The following ESR1 variants were observed in gnomAD, a reference collection of about 807,000 sequenced individuals.
ESR1 encodes the protein estrogen receptor.
ESR1 carries 12 observed loss-of-function variants against 52.7 expected under a neutral mutation model. The observed-to-expected ratio is 0.23, with a 90% CI of 0.15 to 0.37. The LOEUF (loss-of-function observed/expected upper bound fraction) is 0.37. ESR1 is among the 10% of genes least tolerant of loss of function. The pLI, the probability that ESR1 is intolerant of heterozygous loss-of-function variation, is 1.00. For synonymous variants in ESR1, 305 were observed against 316.8 expected, an observed-to-expected ratio of 0.96 and a Z score of 0.39; for missense variants, 584 against 779.7, an observed-to-expected ratio of 0.75 and a Z score of 2.99.
At chr6:152,120,189 T>A (rs370529433) in intron 6 of ESR1, among the ~76,000 whole-genome samples, 4 of 152,234 alleles carry the variant, frequency 2.6e-5, no homozygotes, top group African/African-American at 9.6e-5. Context: ...TTTTCCACGA[T>A]GACACTCTTC....
At chr6:152,086,418 TTTA>T (rs1344031376) in intron 6 of ESR1, among the ~76,000 whole-genome samples, 5 of 148,170 alleles carry the variant, frequency 3.4e-5, no homozygotes, top group Admixed American at 1.4e-4. Context: ...TAATATTTAT[TTTA>T]TTATTAATAA....
At chr6:151,687,564 T>TA (rs1038632067), upstream of ESR1, among the ~76,000 whole-genome samples, 2 of 152,270 alleles carry the variant, frequency 1.3e-5, no homozygotes, top group Middle Eastern at 3.4e-3. Context: ...ACAGTCCAAA[T>TA]AAAAAACCTG....
intron 3 of ESR1, among the ~76,000 whole-genome samples, chr6:151,940,673 CCTT>C (rs1254006563): frequency 1.3e-4 from 20 of 152,298 alleles, no homozygotes; most frequent in African/African-American, 4.3e-4. Flanking sequence ...TTCTTTGTCT[CCTT>C]CTTCCCCAGT....
chr6:151,817,525 A>G (rs1287872542), intron 1 of ESR1, among the ~76,000 whole-genome samples: 3 of 152,188 alleles, frequency 2.0e-5, no homozygotes, highest in African/African-American at 7.2e-5. Context: ...AGCAGAGGGT[A>G]AAAGGAGTGC....
rs1288632351 is a variant in ESR1 at position 151,824,322 on chromosome 6, GT to G, written c.452+15966del. ...TCGCCCACTTGTTGATGGGGTTGTT[GT>G]TTTTTTTCTTGTAAATTTGTTTGAG... is the stretch of plus-strand genomic sequence containing the variant. On this transcript the variant is annotated intron_variant, in intron 1 of 7. Coordinates refer to ENST00000206249, the MANE Select transcript of ESR1 (RefSeq NM_000125.4). 2.6e-5 allele frequency among the ~76,000 whole-genome samples: 4 copies of G among 151,850 alleles called. No individual in the cohort carries two copies. The East Asian group carries it at 7.7e-4, about 29-fold the overall frequency.
intron 4 of ESR1, among the ~76,000 whole-genome samples, chr6:152,005,970 C>T (rs1461501565): frequency 6.6e-6 from 1 of 151,994 alleles, no homozygotes; most frequent in East Asian, 1.9e-4. Context: ...TTTAGTGTGG[C>T]AGCTGCATAA....
intron 4 of ESR1, among the ~76,000 whole-genome samples, chr6:151,994,415 C>T (rs999587334): frequency 2.0e-5 from 3 of 152,170 alleles, no homozygotes; most frequent in African/African-American, 2.4e-5. Flanking sequence ...TGTCCAAATA[C>T]GATCTCTGGT....
At position 151,850,672 on chromosome 6, in the gene ESR1, C is replaced by T. The variant is rs571276686; in HGVS notation, c.643+7885C>T. On this transcript the variant is annotated intron_variant, in intron 2 of 7. Coordinates refer to ENST00000206249, the MANE Select transcript of ESR1 (RefSeq NM_000125.4). ...TTCCCTCTGCCACCAGCCCCTCCTT[C>T]TGCCTGCTGTGTGTGACAGTTCCCT... Among the ~76,000 whole-genome samples the T allele has an allele frequency of 2.0e-5, 3 of 152,210 alleles. No individual in the cohort carries two copies. In the East Asian group the frequency reaches 5.8e-4, roughly 30 times the overall value.
intron 5 of ESR1, among the ~76,000 whole-genome samples, chr6:152,036,776 T>C (rs1357585273): frequency 1.3e-5 from 2 of 152,326 alleles, no homozygotes; most frequent in Middle Eastern, 3.4e-3. Context: ...CTCAAAAGCA[T>C]TTCAATAAAG....
intron 5 of ESR1, among the ~76,000 whole-genome samples, chr6:152,020,312 G>A (rs2043527099): frequency 6.6e-6 from 1 of 152,188 alleles, no homozygotes; most frequent in African/African-American, 2.4e-5. Context: ...TGAGCTGGCA[G>A]GGGGAAAGCA....
Position 151,679,208 on chromosome 6 carries a change from T to C in ESR1, n.73+22445T>C, listed in dbSNP as rs180900089. Among the ~76,000 whole-genome samples the C allele has an allele frequency of 5.3e-5, 8 of 152,288 alleles. No individual in the cohort carries two copies. The East Asian group carries it at 1.5e-3, about 29-fold the overall frequency. On this transcript the variant is annotated intron_variant and non_coding_transcript_variant, in intron 1 of 2. Transcript: ENST00000473497. ...GGAAAAATTGTTTCTTGAATGTGGG[T>C]GACACATCTGTTTCATATCTCCAAG...
At chr6:151,754,929 G>A (rs1784166441) in intron 2 of ESR1, among the ~76,000 whole-genome samples, 1 of 152,076 alleles carries the variant, frequency 6.6e-6, no homozygotes, top group African/African-American at 2.4e-5. Flanking sequence ...ACCAAATTCT[G>A]GGCTGGGGGT....
chr6:151,770,168 T>G (rs1785399902), intron 2 of ESR1, among the ~76,000 whole-genome samples: 1 of 152,230 alleles, frequency 6.6e-6, no homozygotes, highest in Non-Finnish European at 1.5e-5. Flanking sequence ...TCAGATGCTT[T>G]GTGAATCTAA....
intron 1 of ESR1, among the ~76,000 whole-genome samples, chr6:151,664,485 A>C (rs1777749924): frequency 1.3e-5 from 2 of 152,220 alleles, no homozygotes; most frequent in African/African-American, 4.8e-5. Flanking sequence ...TAGATAACAC[A>C]AAAAGGCAAT....
At chr6:151,899,744 C>A (rs905457882) in intron 3 of ESR1, among the ~76,000 whole-genome samples, 1 of 151,794 alleles carries the variant, frequency 6.6e-6, no homozygotes, top group Admixed American at 6.5e-5. Context: ...AGAGACGCTC[C>A]TCACATCCCA....
chr6:151,739,510 G>C (rs1782921511), intron 2 of ESR1, among the ~76,000 whole-genome samples: 1 of 152,152 alleles, frequency 6.6e-6, no homozygotes, highest in African/African-American at 2.4e-5. Context: ...TATTGTCAAA[G>C]TGAAAAACAG....
chr6:152,065,457 A>G (rs1247962602), intron 6 of ESR1, among the ~76,000 whole-genome samples: 1 of 152,200 alleles, frequency 6.6e-6, no homozygotes, highest in Non-Finnish European at 1.5e-5. Context: ...TTCATATGTC[A>G]AAGCTTTATA....
intron 3 of ESR1, among the ~76,000 whole-genome samples, chr6:151,921,058 A>G (rs899370003): frequency 9.9e-5 from 15 of 152,002 alleles, no homozygotes; most frequent in Admixed American, 9.2e-4. Context: ...AACATGCATT[A>G]GTTGTTTTTC....
chr6:151,947,307 ACT>A (rs1323238845), intron 4 of ESR1, among the ~76,000 whole-genome samples: 3 of 152,116 alleles, frequency 2.0e-5, no homozygotes, highest in Admixed American at 6.6e-5. Context: ...CAACAATGAG[ACT>A]CTGTCTCTAA....
Sources: gnomAD v4.1 joint callset for allele counts (sites outside exome capture counted in the v4.1 genomes callset) on GRCh38, gnomAD v4.1.1 for gene constraint, MANE v1.5 for transcripts, NCBI Gene and HGNC (gene_info 2026-07-23, HGNC 2026-07-21) for gene names.